Variants in EYA4 observed in about 807,000 individuals in gnomAD.
EYA4 encodes the protein protein phosphatase EYA4.
In EYA4, 31 loss-of-function variants were observed where a neutral mutation model predicts 87.9. The ratio of observed to expected loss-of-function variants is 0.35; its 90% CI spans 0.27 to 0.48. The LOEUF (loss-of-function observed/expected upper bound fraction) is 0.48, where lower values mean the gene tolerates loss of function less well. Among genes scored for constraint, EYA4 ranks in the 20% least tolerant of loss-of-function variants. EYA4 has a pLI of 0.99. For missense variants in EYA4, 678 were observed against 761.4 expected (o/e 0.89, Z 1.29); for synonymous variants, 263 against 270.6 (o/e 0.97, Z 0.28).
At chr6:133,433,005 T>A (rs1345705651) in intron 3 of EYA4, among the ~76,000 whole-genome samples, 1 of 152,248 alleles carries the variant, frequency 6.6e-6, no homozygotes, top group African/African-American at 2.4e-5. Context: ...CTTAAATTCA[T>A]GTTCCTGATT....
rs574679770 is a variant in EYA4 at position 133,459,898 on chromosome 6, ATACT to A, written c.371-1210_371-1207del. Among the ~76,000 whole-genome samples, 19 of 152,254 alleles carry A rather than the reference ATACT, an allele frequency of 1.2e-4. No individual in the cohort carries two copies. In the South Asian group the frequency reaches 3.5e-3, roughly 28 times the overall value. ...ATTGACTGATAATATTCTTAAAAAT[ATACT>A]TACTTCATTATCGCTATGAAAATGA... On this transcript the variant is annotated intron_variant, in intron 6 of 19. Transcript: ENST00000355286.
intron 2 of EYA4, among the ~76,000 whole-genome samples, chr6:133,278,739 A>C (rs549496854): frequency 1.4e-4 from 22 of 152,298 alleles, no homozygotes; most frequent in Admixed American, 1.3e-3. Context: ...CCTATTTGGC[A>C]TTCTGGCTTA....
chr6:133,443,306 T>A (rs1792492144), intron 3 of EYA4, among the ~76,000 whole-genome samples: 1 of 152,006 alleles, frequency 6.6e-6, no homozygotes, highest in East Asian at 1.9e-4. Flanking sequence ...ATAAATTAAG[T>A]TTTTTAATCA....
chr6:133,410,460 A>G (rs938856024), intron 3 of EYA4, among the ~76,000 whole-genome samples: 5 of 151,274 alleles, frequency 3.3e-5, no homozygotes, highest in Non-Finnish European at 7.4e-5. Flanking sequence ...TATAAATCCA[A>G]CTTAATTAAG....
chr6:133,531,363 G>T lies in EYA4; in HGVS notation c.*2558G>T. On this transcript the variant is annotated 3_prime_UTR_variant, in exon 20 of 20. Transcript: ENST00000355286. ...CTCTTCCCTTCCCACCTTAGGAATA[G>T]AAAATCCTCTTCCTTTCTAATCTGA... 1 of 616,486 alleles carries T rather than the reference G, an allele frequency of 1.6e-6. No individual in the cohort carries two copies. The highest frequency in any genetic ancestry group is 2.7e-6 in the Non-Finnish European group (1 of 369,216). 38.2% of individuals were successfully genotyped at this position (616,486 alleles called of 1,614,324 possible). A position where few individuals can be genotyped will look rare whatever the true frequency, so the allele number is the denominator to read the frequency against.
chr6:133,391,098 T>C (rs1414247421), intron 3 of EYA4, among the ~76,000 whole-genome samples: 2 of 152,198 alleles, frequency 1.3e-5, no homozygotes, highest in Non-Finnish European at 2.9e-5. Flanking sequence ...TTAGCACAGC[T>C]TGTGGCTGGT....
At chr6:133,266,323 G>A (rs116811872) in intron 1 of EYA4, among the ~76,000 whole-genome samples, 1 of 152,272 alleles carries the variant, frequency 6.6e-6, no homozygotes, top group African/African-American at 2.4e-5. Context: ...TTGGAGTGAT[G>A]CATCTATGAG....
intron 3 of EYA4, among the ~76,000 whole-genome samples, chr6:133,429,265 A>T (rs1790967588): frequency 6.6e-6 from 1 of 152,112 alleles, no homozygotes; most frequent in African/African-American, 2.4e-5. Context: ...TGCTGGTGAG[A>T]GGTGAATACC....
chr6:133,356,746 AGTGTGTGTGTGTGTGTGTGT>A (rs58234857), intron 2 of EYA4, among the ~76,000 whole-genome samples: 2 of 136,796 alleles, frequency 1.5e-5, no homozygotes, highest in South Asian at 2.5e-4. Context: ...AGCATTATTC[AGTGTGTGTGTGTGTGTGTGT>A]GTGTGTGTGT....
intron 13 of EYA4, among the ~76,000 whole-genome samples, chr6:133,496,922 G>A (rs1797692320): frequency 6.6e-6 from 1 of 152,142 alleles, no homozygotes; most frequent in South Asian, 2.1e-4. Flanking sequence ...TAGTGAGCTG[G>A]GAGCTGCACC....
chr6:133,426,412 T>C (rs1583245244), intron 3 of EYA4, among the ~76,000 whole-genome samples: 1 of 152,350 alleles, frequency 6.6e-6, no homozygotes, highest in East Asian at 1.9e-4. Flanking sequence ...CATATGCCTC[T>C]TGTATTTTAC....
intron 6 of EYA4, 41 bp downstream of exon 6, chr6:133,456,689 G>A (rs757542312): frequency 8.4e-7 from 1 of 1,190,002 alleles, no homozygotes; most frequent in Admixed American, 1.7e-5. Flanking sequence ...ACACATGGGG[G>A]TGCATCCACA....
At chr6:133,418,029 C>G (rs1356134970) in intron 3 of EYA4, among the ~76,000 whole-genome samples, 1 of 152,194 alleles carries the variant, frequency 6.6e-6, no homozygotes, top group Non-Finnish European at 1.5e-5. Context: ...ATCTGCTTTT[C>G]CAGATTTAAG....
intron 1 of EYA4, among the ~76,000 whole-genome samples, chr6:133,255,870 A>G (rs568087973): frequency 6.6e-6 from 1 of 152,154 alleles, no homozygotes; most frequent in Non-Finnish European, 1.5e-5. Flanking sequence ...TGTTGCACTG[A>G]TGATTTTTAT....
At chr6:133,342,605 A>ATATATATATATCTATATATC (rs1485897156) in intron 2 of EYA4, among the ~76,000 whole-genome samples, 1 of 130,440 alleles carries the variant, frequency 7.7e-6, no homozygotes, top group African/African-American at 3.3e-5. Context: ...ATATATATAT[A>ATATATATATATCTATATATC]ATTCTTTATA....
intron 3 of EYA4, among the ~76,000 whole-genome samples, chr6:133,384,138 A>G (rs1057252502): frequency 2.0e-5 from 3 of 152,208 alleles, no homozygotes; most frequent in Non-Finnish European, 4.4e-5. Flanking sequence ...TAAATTTTAA[A>G]CTAACAGAAA....
At chr6:133,250,355 A>T (rs1774788590) in intron 1 of EYA4, among the ~76,000 whole-genome samples, 1 of 152,066 alleles carries the variant, frequency 6.6e-6, no homozygotes, top group Admixed American at 6.6e-5. Flanking sequence ...TAGAAAGAAT[A>T]TGGGGGCTGG....
chr6:133,312,065 G>A (rs1780264977), intron 2 of EYA4, among the ~76,000 whole-genome samples: 2 of 152,180 alleles, frequency 1.3e-5, no homozygotes, highest in Non-Finnish European at 2.9e-5. Context: ...TGACTGAGGT[G>A]ATGAGTGGGA....
intron 1 of EYA4, among the ~76,000 whole-genome samples, chr6:133,251,067 G>C (rs1454006262): frequency 6.6e-6 from 1 of 152,152 alleles, no homozygotes; most frequent in Admixed American, 6.5e-5. Context: ...GACACTATAG[G>C]TGCTCAACAG....
Sources: gnomAD v4.1 joint callset for allele counts (sites outside exome capture counted in the v4.1 genomes callset) on GRCh38, gnomAD v4.1.1 for gene constraint, MANE v1.5 for transcripts, NCBI Gene and HGNC (gene_info 2026-07-23, HGNC 2026-07-21) for gene names.